SDC3: variants seen among roughly 807,000 people sequenced by gnomAD.
SDC3 encodes syndecan 3.
SDC3 carries 13 observed loss-of-function variants against 24.4 expected under a neutral mutation model. The observed-to-expected ratio is 0.53, with a 90% CI of 0.35 to 0.85. The LOEUF (loss-of-function observed/expected upper bound fraction) is 0.85. Among genes scored for constraint, SDC3 ranks in the 40% least tolerant of loss-of-function variants. SDC3 has a pLI of 0.01. For missense variants in SDC3, 571 were observed against 584.5 expected, an observed-to-expected ratio of 0.98 and a Z score of 0.24; for synonymous variants, 295 against 260.9, an observed-to-expected ratio of 1.13 and a Z score of -1.26.
chr1:30,888,617 G>C (rs980402919), intron 1 of SDC3, among the ~76,000 whole-genome samples: 1 of 152,190 alleles, frequency 6.6e-6, no homozygotes, highest in African/African-American at 2.4e-5. Flanking sequence ...GTAAGAATGT[G>C]TGTGTGTGTC....
Position 30,908,529 on chromosome 1 carries a change from C to G in SDC3, c.58G>C (p.Gly20Arg), listed in dbSNP as rs1455980216. Reference protein sequence around the residue: ...GAAHGAGAGAGAAAGPGARGL... With the variant: ...GAAHGAGAGARAAAGPGARGL... ...CGGGCCCCGGGCCCGGCCGCGGCCC[C>G]GGCCCCGGCGCCGGCCCCGTGGGCG... Residue 20 changes from glycine (G) to arginine (R), a missense_variant, in exon 1 of 5, where the codon GGG (glycine) becomes CGG (arginine). Gly to Arg is a moderately radical substitution (Grantham distance 125). Transcript: ENST00000339394. 1 of 934,308 alleles carries G rather than the reference C, an allele frequency of 1.1e-6. No homozygotes were observed. Among genetic ancestry groups the G allele is most frequent in the Non-Finnish European group, 1.3e-6 (1 of 789,218 alleles). The allele number at this position is 934,308 out of a possible 1,614,324, so 57.9% of individuals were successfully genotyped here.
At chr1:30,908,365 G>C (rs544232364) in intron 1 of SDC3, 84 bp downstream of exon 1, 15 of 798,208 alleles carry the variant, frequency 1.9e-5, no homozygotes, top group African/African-American at 7.6e-5. Context: ...GGTCCCGGAG[G>C]GGGGGTCGCG....
chr1:30,901,744 C>T (rs1384509653), intron 1 of SDC3, among the ~76,000 whole-genome samples: 1 of 152,096 alleles, frequency 6.6e-6, no homozygotes, highest in African/African-American at 2.4e-5. Context: ...TCCTCACCCC[C>T]AAGCAGTAGT....
At chr1:30,874,158 C>G in intron 4 of SDC3, 139 bp downstream of exon 4, 1 of 684,924 alleles carries the variant, frequency 1.5e-6, no homozygotes. Flanking sequence ...GTTGAGTTCT[C>G]AAGTTTCCTT....
intron 1 of SDC3, among the ~76,000 whole-genome samples, chr1:30,882,842 C>A (rs985669568): frequency 1.3e-5 from 2 of 152,130 alleles, no homozygotes; most frequent in Non-Finnish European, 2.9e-5. Flanking sequence ...CTTTACTACC[C>A]GGTTGGCTGT....
chr1:30,880,232 T>TC (rs1339809991), intron 1 of SDC3, among the ~76,000 whole-genome samples: 1 of 150,698 alleles, frequency 6.6e-6, no homozygotes, highest in African/African-American at 2.5e-5. Context: ...GAGCTGCAGC[T>TC]CCCCACAGAG....
intron 1 of SDC3, among the ~76,000 whole-genome samples, chr1:30,893,840 C>A (rs1190371648): frequency 3.3e-5 from 5 of 152,150 alleles, no homozygotes; most frequent in Non-Finnish European, 1.5e-5. Context: ...CCCTAGCCTG[C>A]CGGCATCCAG....
intron 1 of SDC3, among the ~76,000 whole-genome samples, chr1:30,887,412 C>T (rs371632952): frequency 1.1e-4 from 16 of 152,228 alleles, no homozygotes; most frequent in Non-Finnish European, 1.3e-4. Flanking sequence ...TCCTATGAAA[C>T]GGGAATAATG....
Position 30,874,338 on chromosome 1 carries a change from A to G in SDC3, c.1121T>C (p.Leu374Pro). ...AIDSGSSAAQLPQKSILERKE... is the reference protein window; with the variant it reads ...AIDSGSSAAQPPQKSILERKE... Reference sequence around the variant, plus strand: ...CCGCTCCAGGATACTCTTCTGAGGCAGCTGAGCAGCTGAGCTGCCCGAGTC... The same window carrying G: ...CCGCTCCAGGATACTCTTCTGAGGCGGCTGAGCAGCTGAGCTGCCCGAGTC... The change falls in exon 4 of 5, where the codon CTG (leucine) becomes CCG (proline). Residue 374 changes from leucine (L) to proline (P), a missense_variant. Leu to Pro is a moderately conservative substitution (Grantham distance 98). Coordinates refer to ENST00000339394, the MANE Select transcript of SDC3 (RefSeq NM_014654.4). The G allele has an allele frequency of 6.2e-7, 1 of 1,613,356 alleles. No homozygotes were observed. The highest frequency in any genetic ancestry group is 2.2e-5 in the East Asian group (1 of 44,872).
At chr1:30,896,236 A>G (rs548744992) in intron 1 of SDC3, among the ~76,000 whole-genome samples, 1 of 152,336 alleles carries the variant, frequency 6.6e-6, no homozygotes, top group African/African-American at 2.4e-5. Context: ...ATTTGGGGAA[A>G]TGTAACAAAG....
At chr1:30,908,762 GGCCGCGCCCGCAGGAAGCGTGCGCCGCC>G (rs1459692921), upstream of SDC3, 2 of 149,246 alleles carry the variant, frequency 1.3e-5, no homozygotes, top group South Asian at 2.0e-4. Context: ...CGCCCACAGC[GGCCGCGCCCGCAGGAAGCGTGCGCCGCC>G]GCCGCCGCCG....
In SDC3 at chr1:30,893,816, C is replaced by T. The variant is rs561610225; in HGVS notation, c.138+14633G>A. Reference sequence around the variant, plus strand: ...TTTCCTCAGGGGCACAGCCACACTCCCTCTCCTGCTACCCCCTAGCCTGCC... The same window carrying T: ...TTTCCTCAGGGGCACAGCCACACTCTCTCTCCTGCTACCCCCTAGCCTGCC... On this transcript the variant is annotated intron_variant, in intron 1 of 4. Transcript: ENST00000339394. Among the ~76,000 whole-genome samples, 6 of 152,244 alleles carry T rather than the reference C, an allele frequency of 3.9e-5. No homozygotes were observed. The East Asian group carries it at 1.2e-3, about 29-fold the overall frequency.
chr1:30,874,653 C>T, intron 3 of SDC3, 65 bp from the exon 4 acceptor site: 1 of 1,490,014 alleles, frequency 6.7e-7, no homozygotes, highest in Non-Finnish European at 9.2e-7. Context: ...CACCACCATC[C>T]TACTGCCCTG....
At chr1:30,897,951 C>T (rs1430606113) in intron 1 of SDC3, among the ~76,000 whole-genome samples, 11 of 152,172 alleles carry the variant, frequency 7.2e-5, no homozygotes, top group East Asian at 5.8e-4. Flanking sequence ...TATCTCCTCA[C>T]GACAAAAGGG....
intron 1 of SDC3, among the ~76,000 whole-genome samples, chr1:30,894,216 TGTGA>T (rs796462271): frequency 2.5e-4 from 37 of 148,710 alleles, no homozygotes; most frequent in African/African-American, 5.5e-4. Flanking sequence ...AGAGTGTGTG[TGTGA>T]GTGTGTGGGG....
chr1:30,876,787 A>C lies in SDC3; in HGVS notation c.635T>G (p.Leu212Arg), dbSNP rs1244953882. 6.3e-7 allele frequency: 1 copy of C among 1,595,156 alleles called. No homozygotes were observed. The highest frequency in any genetic ancestry group is 1.7e-5 in the Admixed American group (1 of 57,888). ...AGCCACTGTGGTCAGTGGGAGAGGC[A>C]GAAGCCTCCGTACGCCAGTGGTCCT... is the stretch of plus-strand genomic sequence containing the variant. Reference protein sequence around the residue: ...VIRTTGVRRLLPLPLTTVATA... With the variant: ...VIRTTGVRRLRPLPLTTVATA... The change falls in exon 3 of 5, where the codon CTG (leucine) becomes CGG (arginine). Residue 212 changes from leucine (L) to arginine (R), a missense_variant. Physicochemically the swap from Leu to Arg is moderately radical, Grantham distance 102. This residue lies in a region of SDC3 where 497 missense variants were observed against 471.6 expected (regional missense o/e 1.05). Coordinates refer to ENST00000339394, the MANE Select transcript of SDC3 (RefSeq NM_014654.4).
chr1:30,877,513 G>A, intron 2 of SDC3: 1 of 535,890 alleles, frequency 1.9e-6, no homozygotes, highest in Non-Finnish European at 3.3e-6. Flanking sequence ...GGCTTGCAGG[G>A]GAACACAGGA....
chr1:30,907,420 C>T (rs1477427667), intron 1 of SDC3, among the ~76,000 whole-genome samples: 1 of 152,210 alleles, frequency 6.6e-6, no homozygotes, highest in African/African-American at 2.4e-5. Flanking sequence ...TCCACCTGCA[C>T]ATGCTTGGTT....
intron 1 of SDC3, among the ~76,000 whole-genome samples, chr1:30,881,731 T>C (rs1372093283): frequency 6.6e-6 from 1 of 152,212 alleles, no homozygotes; most frequent in East Asian, 1.9e-4. Flanking sequence ...ATGTTATTTA[T>C]GCAGCCTCCT....
Sources: allele counts gnomAD v4.1 joint callset (sites outside exome capture counted in the v4.1 genomes callset), GRCh38; gene constraint gnomAD v4.1.1; regional missense constraint gnomAD v4.1.1; transcripts MANE v1.5; gene names NCBI Gene and HGNC (gene_info 2026-07-23, HGNC 2026-07-21).